The following LRRTM4 variants were observed in gnomAD, a reference collection of about 807,000 sequenced individuals.
LRRTM4 encodes leucine-rich repeat transmembrane neuronal protein 4.
In LRRTM4, 25 loss-of-function variants were observed where a neutral mutation model predicts 47.6. The ratio of observed to expected loss-of-function variants is 0.53; its 90% CI spans 0.38 to 0.73. The LOEUF is 0.73. LRRTM4 is among the 30% of genes least tolerant of loss of function. The pLI, the probability that LRRTM4 is intolerant of heterozygous loss-of-function variation, is 0.00. For synonymous variants in LRRTM4, 311 were observed against 269.5 expected (o/e 1.15, Z -1.51); for missense variants, 638 against 713.4 (o/e 0.89, Z 1.20).
At chr2:76,749,243 A>C (rs573027811) in intron 3 of LRRTM4, among the ~76,000 whole-genome samples, 1 of 152,164 alleles carries the variant, frequency 6.6e-6, no homozygotes, top group Non-Finnish European at 1.5e-5. Flanking sequence ...TAGATCCTAC[A>C]TTTGAATGTA....
At chr2:76,842,341 G>A (rs1288554711) in intron 3 of LRRTM4, among the ~76,000 whole-genome samples, 1 of 152,010 alleles carries the variant, frequency 6.6e-6, no homozygotes, top group East Asian at 1.9e-4. Context: ...GACAGATAGT[G>A]GAAATTATCC....
intron 3 of LRRTM4, among the ~76,000 whole-genome samples, chr2:77,263,562 G>A (rs543026487): frequency 6.6e-5 from 10 of 152,182 alleles, no homozygotes; most frequent in Middle Eastern, 3.4e-3. Context: ...ACACCCAGCC[G>A]GTGTCAGAAA....
intron 3 of LRRTM4, among the ~76,000 whole-genome samples, chr2:77,232,956 A>G (rs1252136257): frequency 6.6e-6 from 1 of 152,196 alleles, no homozygotes; most frequent in Non-Finnish European, 1.5e-5. Flanking sequence ...AAAATGTGGC[A>G]AAACTATAAC....
rs886378412 is a variant in LRRTM4, at chr2:76,759,439, G to A, written c.1552-10523C>T. On this transcript the variant is annotated intron_variant, in intron 3 of 3. Coordinates refer to ENST00000409884, the MANE Select transcript of LRRTM4 (RefSeq NM_001134745.3). ...TATTCAGGTCATTTAGATCAAACATGATCTGGCAGGATAAAAGCCCACTGA... is the reference window on the plus strand; with the variant it reads ...TATTCAGGTCATTTAGATCAAACATAATCTGGCAGGATAAAAGCCCACTGA... 7.9e-5 allele frequency among the ~76,000 whole-genome samples: 12 copies of A among 152,234 alleles called. No homozygotes were observed. In the South Asian group the frequency reaches 2.5e-3, roughly 32 times the overall value.
intron 3 of LRRTM4, among the ~76,000 whole-genome samples, chr2:77,456,175 TC>T (rs1376727275): frequency 6.6e-6 from 1 of 152,164 alleles, no homozygotes; most frequent in Non-Finnish European, 1.5e-5. Context: ...GATCATAAAT[TC>T]CAAATGAACA....
At chr2:76,848,451 C>T (rs1387693849) in intron 3 of LRRTM4, among the ~76,000 whole-genome samples, 1 of 152,102 alleles carries the variant, frequency 6.6e-6, no homozygotes, top group Admixed American at 6.6e-5. Context: ...ACAAAACTTT[C>T]TAAACCAACT....
intron 3 of LRRTM4, among the ~76,000 whole-genome samples, chr2:77,214,938 C>T (rs1020707514): frequency 6.6e-6 from 1 of 152,000 alleles, no homozygotes; most frequent in Non-Finnish European, 1.5e-5. Flanking sequence ...TTAGAGTCCG[C>T]CTTCTTTAGC....
intron 3 of LRRTM4, among the ~76,000 whole-genome samples, chr2:77,065,010 T>C (rs1255039154): frequency 6.6e-6 from 1 of 152,164 alleles, no homozygotes; most frequent in African/African-American, 2.4e-5. Flanking sequence ...ATAGCACCTA[T>C]TGAACTCAAC....
intron 3 of LRRTM4, among the ~76,000 whole-genome samples, chr2:77,302,933 G>A (rs948690963): frequency 2.6e-5 from 4 of 152,068 alleles, no homozygotes; most frequent in Admixed American, 6.6e-5. Context: ...GGGTAAAAGA[G>A]GAATACAACT....
chr2:76,813,783 C>T (rs1400535768), intron 3 of LRRTM4, among the ~76,000 whole-genome samples: 2 of 152,084 alleles, frequency 1.3e-5, no homozygotes, highest in Non-Finnish European at 2.9e-5. Flanking sequence ...TTTAGATTCA[C>T]ACAAAGATTG....
chr2:77,233,500 T>G (rs1675022318), intron 3 of LRRTM4, among the ~76,000 whole-genome samples: 1 of 152,202 alleles, frequency 6.6e-6, no homozygotes, highest in Admixed American at 6.5e-5. Context: ...TATTTATTAT[T>G]TTGATGTTTT....
chr2:77,394,049 A>G (rs1425243882), intron 3 of LRRTM4, among the ~76,000 whole-genome samples: 1 of 151,984 alleles, frequency 6.6e-6, no homozygotes, highest in African/African-American at 2.4e-5. Flanking sequence ...TATTGGATGT[A>G]ATACCTTCAT....
At chr2:77,368,619 T>C (rs1333279569) in intron 3 of LRRTM4, among the ~76,000 whole-genome samples, 1 of 151,828 alleles carries the variant, frequency 6.6e-6, no homozygotes, top group Non-Finnish European at 1.5e-5. Context: ...AAACATTATT[T>C]TGCATTATGT....
chr2:77,305,313 T>G lies in LRRTM4; in HGVS notation c.1551+213005A>C, dbSNP rs546870633. Among the ~76,000 whole-genome samples, 57 of 152,218 alleles carry G rather than the reference T, an allele frequency of 3.7e-4. 1 individual carries two copies. Among genetic ancestry groups the G allele is most frequent in the South Asian group, 6.2e-4 (3 of 4,832 alleles). ...GCTGTAATTTTTAATTTATAAAAATTAAATTGCAAATTGTTTTGAGACTCT... is the reference window on the plus strand; with the variant it reads ...GCTGTAATTTTTAATTTATAAAAATGAAATTGCAAATTGTTTTGAGACTCT... On this transcript the variant is annotated intron_variant, in intron 3 of 3. Coordinates refer to ENST00000409884, the MANE Select transcript of LRRTM4 (RefSeq NM_001134745.3).
intron 3 of LRRTM4, among the ~76,000 whole-genome samples, chr2:77,467,603 C>T (rs1414602835): frequency 6.6e-6 from 1 of 152,076 alleles, no homozygotes; most frequent in East Asian, 1.9e-4. Flanking sequence ...TAAGCATACG[C>T]TAAGAATAAT....
In LRRTM4 at chr2:77,370,661, CA is replaced by C. The variant is rs376519288; in HGVS notation, c.1551+147656del. ...GAGATGGATTGATGTAGCTATCTGC[CA>C]AACAGCATGATTAAAACCATTCAGA... On this transcript the variant is annotated intron_variant, in intron 3 of 3. Coordinates refer to ENST00000409884, the MANE Select transcript of LRRTM4 (RefSeq NM_001134745.3). Among the ~76,000 whole-genome samples the C allele has an allele frequency of 3.5e-3, 528 of 151,750 alleles. 2 individuals are homozygous for C. The highest frequency in any genetic ancestry group is 0.012 in the African/African-American group (503 of 41,462).
intron 3 of LRRTM4, among the ~76,000 whole-genome samples, chr2:76,775,176 G>A (rs562147928): frequency 2.6e-4 from 39 of 152,104 alleles, no homozygotes; most frequent in Non-Finnish European, 5.0e-4. Context: ...CTTCCAGCAG[G>A]CATTTATTGT....
rs189878198 is a variant in LRRTM4, at chr2:77,381,850, T to A, written c.1551+136468A>T. Among the ~76,000 whole-genome samples the A allele has an allele frequency of 1.1e-3, 160 of 152,218 alleles. 2 individuals are homozygous for A. In the East Asian group the frequency reaches 0.019, roughly 18 times the overall value. ...CTAATCTTATATCCTTATGACAGGA[T>A]AATGTATTTTTATTGTTGTCTCTCT... On this transcript the variant is annotated intron_variant, in intron 3 of 3. Coordinates refer to ENST00000409884, the MANE Select transcript of LRRTM4 (RefSeq NM_001134745.3).
At chr2:77,125,743 T>G (rs1671637105) in intron 3 of LRRTM4, among the ~76,000 whole-genome samples, 1 of 152,028 alleles carries the variant, frequency 6.6e-6, no homozygotes, top group Non-Finnish European at 1.5e-5. Context: ...ACTAGAAAAT[T>G]TAGATACCAT....
Sources: gnomAD v4.1 joint callset for allele counts (sites outside exome capture counted in the v4.1 genomes callset) on GRCh38, gnomAD v4.1.1 for gene constraint, MANE v1.5 for transcripts, NCBI Gene and HGNC (gene_info 2026-07-23, HGNC 2026-07-21) for gene names.